Variants in SLC24A4 observed in about 807,000 individuals in gnomAD.
SLC24A4 encodes the protein solute carrier family 24 member 4.
In SLC24A4, 53 loss-of-function variants were observed where a neutral mutation model predicts 79.0. The observed-to-expected ratio is 0.67, with a 90% CI of 0.54 to 0.84. The LOEUF (loss-of-function observed/expected upper bound fraction) is 0.84, where lower values mean the gene tolerates loss of function less well. SLC24A4 is among the 40% of genes least tolerant of loss of function. SLC24A4 has a pLI of 0.00. For synonymous variants in SLC24A4, 323 were observed against 323.8 expected (o/e 1.00, Z 0.03); for missense variants, 731 against 822.0 (o/e 0.89, Z 1.35).
intron 2 of SLC24A4, among the ~76,000 whole-genome samples, chr14:92,369,359 A>G (rs1329219945): frequency 6.6e-6 from 1 of 152,214 alleles, no homozygotes; most frequent in African/African-American, 2.4e-5. Flanking sequence ...GGTGTTCAGT[A>G]TGGATGTAAC....
At chr14:92,364,882 G>A (rs772222950) in intron 2 of SLC24A4, among the ~76,000 whole-genome samples, 12 of 152,320 alleles carry the variant, frequency 7.9e-5, no homozygotes, top group Non-Finnish European at 1.5e-4. Flanking sequence ...GCTAAAGGAA[G>A]CTCGTCACTT....
intron 2 of SLC24A4, among the ~76,000 whole-genome samples, chr14:92,362,003 T>A (rs1406801547): frequency 6.6e-6 from 1 of 152,122 alleles, no homozygotes; most frequent in East Asian, 1.9e-4. Context: ...GGCTCCCAGG[T>A]GGTGCTTGAG....
At position 92,411,726 on chromosome 14, in the gene SLC24A4, C is replaced by T. The variant is rs142547257; in HGVS notation, c.242-22186C>T. Among the ~76,000 whole-genome samples the T allele has an allele frequency of 4.4e-3, 665 of 152,258 alleles. 6 individuals are homozygous for T. Among genetic ancestry groups the T allele is most frequent in the African/African-American group, 0.016 (645 of 41,532 alleles). On this transcript the variant is annotated intron_variant, in intron 2 of 16. Transcript: ENST00000532405. ...CTCCCTAGGATTATGTGCCTTCCTT[C>T]CCACACCAGCAATGATTGAGCACAT...
In SLC24A4 at chr14:92,398,699, T is replaced by C. The variant is rs921343579; in HGVS notation, c.242-35213T>C. 1.3e-5 allele frequency among the ~76,000 whole-genome samples: 2 copies of C among 152,206 alleles called. No individual in the cohort carries two copies. On this transcript the variant is annotated intron_variant, in intron 2 of 16. Transcript: ENST00000532405. This position sits in a 1 kb window ranked among gnomAD's most constrained non-coding sequence, Gnocchi z 4.1. ...TAGCCAAAGCGAGAAGGGGGGTTAC[T>C]GTAGTTGCTTGGACACACTGGGCTG...
intron 2 of SLC24A4, among the ~76,000 whole-genome samples, chr14:92,379,324 G>A (rs1337794382): frequency 2.0e-5 from 3 of 152,122 alleles, no homozygotes; most frequent in African/African-American, 7.2e-5. Flanking sequence ...GCATCCACAG[G>A]ATCCCCTGAG....
intron 2 of SLC24A4, among the ~76,000 whole-genome samples, chr14:92,335,254 A>C (rs1256591820): frequency 6.6e-6 from 1 of 152,198 alleles, no homozygotes; most frequent in African/African-American, 2.4e-5. Context: ...TGTTACAATG[A>C]TGAGTCAATA....
At chr14:92,375,469 T>C (rs1473351255) in intron 2 of SLC24A4, among the ~76,000 whole-genome samples, 3 of 152,176 alleles carry the variant, frequency 2.0e-5, no homozygotes, top group South Asian at 2.1e-4. Flanking sequence ...CCACAAAGAA[T>C]TGAAAACAGG....
At chr14:92,397,881 AT>A (rs1379812253) in intron 2 of SLC24A4, among the ~76,000 whole-genome samples, 1 of 152,244 alleles carries the variant, frequency 6.6e-6, no homozygotes, top group Non-Finnish European at 1.5e-5. Flanking sequence ...ACATACTGAT[AT>A]TTAGCATTCA....
At position 92,500,325 on chromosome 14, in the gene SLC24A4, T is replaced by G. The variant is rs1299488472; in HGVS notation, c.*6697T>G. 6.6e-6 allele frequency: 1 copy of G among 152,220 alleles called. No homozygotes were observed. Among genetic ancestry groups the G allele is most frequent in the Non-Finnish European group, 1.5e-5 (1 of 68,040 alleles). The allele number at this position is 152,220 out of a possible 1,614,324, so 9.4% of individuals were successfully genotyped here. A position where few individuals can be genotyped will look rare whatever the true frequency, so the allele number is the denominator to read the frequency against. ...TGCATGGTTTGGTGTGATCTACCTTTGTGCCTAAAGGGAATGTCCCAAACA... is the reference window on the plus strand; with the variant it reads ...TGCATGGTTTGGTGTGATCTACCTTGGTGCCTAAAGGGAATGTCCCAAACA... On this transcript the variant is annotated 3_prime_UTR_variant, in exon 17 of 17. Coordinates refer to ENST00000532405, the MANE Select transcript of SLC24A4 (RefSeq NM_153646.4).
chr14:92,455,313 G>A (rs887104703), intron 11 of SLC24A4, among the ~76,000 whole-genome samples: 32 of 152,328 alleles, frequency 2.1e-4, no homozygotes, highest in African/African-American at 7.5e-4. Flanking sequence ...GTACACAAAT[G>A]TGCATAGCTG....
Position 92,482,866 on chromosome 14 carries a change from G to T in SLC24A4, c.1422+20G>T. 1 of 1,598,210 alleles carries T rather than the reference G, an allele frequency of 6.3e-7. No homozygotes were observed. ...TGGCTGGTGAGTGGGGGGAGCAGGG[G>T]GTGGACTGTGTGCACAGCCAGGGAG... On this transcript the variant is annotated intron_variant, in intron 13 of 16. Transcript: ENST00000532405.
chr14:92,342,059 T>G (rs1171184503), intron 2 of SLC24A4, among the ~76,000 whole-genome samples: 2 of 152,118 alleles, frequency 1.3e-5, no homozygotes, highest in African/African-American at 4.8e-5. Context: ...GTACCTAATT[T>G]GCAGACCACA....
intron 12 of SLC24A4, among the ~76,000 whole-genome samples, chr14:92,464,419 G>A (rs1188224296): frequency 2.6e-5 from 4 of 152,248 alleles, no homozygotes; most frequent in Middle Eastern, 3.4e-3. Context: ...GACCTGCCCG[G>A]GACCACGTGT....
At position 92,501,479 on chromosome 14, in the gene SLC24A4, C is replaced by T. The variant is rs557147487; in HGVS notation, c.*7851C>T. On this transcript the variant is annotated 3_prime_UTR_variant, in exon 17 of 17. Coordinates refer to ENST00000532405, the MANE Select transcript of SLC24A4 (RefSeq NM_153646.4). Reference sequence around the variant, plus strand: ...ACACTGTCAATAAAATAAATGAGCACAAGTTGTCTTTCCCTAAATAGAGCT... The same window carrying T: ...ACACTGTCAATAAAATAAATGAGCATAAGTTGTCTTTCCCTAAATAGAGCT... 6.6e-6 allele frequency: 1 copy of T among 152,308 alleles called. No homozygotes were observed. Among genetic ancestry groups the T allele is most frequent in the African/African-American group, 2.4e-5 (1 of 41,562 alleles). 9.4% of individuals were successfully genotyped at this position (152,308 alleles called of 1,614,324 possible).
intron 2 of SLC24A4, among the ~76,000 whole-genome samples, chr14:92,360,170 C>T (rs1032454325): frequency 6.6e-6 from 1 of 152,264 alleles, no homozygotes; most frequent in Non-Finnish European, 1.5e-5. Flanking sequence ...AATCTGCCCA[C>T]CTTGGCCTCC....
chr14:92,349,726 T>A (rs1337005757), intron 2 of SLC24A4, among the ~76,000 whole-genome samples: 1 of 152,250 alleles, frequency 6.6e-6, no homozygotes, highest in Non-Finnish European at 1.5e-5. Context: ...ATATAAGCTC[T>A]TTATAATATA....
chr14:92,369,897 G>A (rs1055035869), intron 2 of SLC24A4, among the ~76,000 whole-genome samples: 5 of 152,214 alleles, frequency 3.3e-5, no homozygotes, highest in African/African-American at 7.2e-5. Flanking sequence ...TGACTCATTG[G>A]TACAGAGGAG....
chr14:92,417,155 C>A (rs1261467083), intron 2 of SLC24A4, among the ~76,000 whole-genome samples: 1 of 152,096 alleles, frequency 6.6e-6, no homozygotes, highest in Non-Finnish European at 1.5e-5. Flanking sequence ...CAGTCATGCA[C>A]CATATAACAA....
At chr14:92,357,625 T>G (rs1566710671) in intron 2 of SLC24A4, among the ~76,000 whole-genome samples, 1 of 152,196 alleles carries the variant, frequency 6.6e-6, no homozygotes, top group Non-Finnish European at 1.5e-5. Flanking sequence ...TCCACTGATA[T>G]GAGGTACCTA....
Sources: allele counts gnomAD v4.1 joint callset (sites outside exome capture counted in the v4.1 genomes callset), GRCh38; gene constraint gnomAD v4.1.1; non-coding constraint Gnocchi (gnomAD v3.1); transcripts MANE v1.5; gene names NCBI Gene and HGNC (gene_info 2026-07-23, HGNC 2026-07-21).